The following MDM4 variants were observed in gnomAD, a reference collection of about 807,000 sequenced individuals.
MDM4 encodes protein Mdm4.
A neutral mutation model predicts 60.2 loss-of-function variants in MDM4; 2 were observed. The ratio of observed to expected loss-of-function variants is 0.03; its 90% CI spans 0.01 to 0.10. MDM4 has a LOEUF of 0.10. Among genes scored for constraint, MDM4 ranks in the 10% least tolerant of loss-of-function variants. The pLI is 1.00. For synonymous variants in MDM4, 202 were observed against 198.1 expected (o/e 1.02, Z -0.17); for missense variants, 447 against 577.5 (o/e 0.77, Z 2.32).
At chr1:204,518,143 G>C (rs144942473) in intron 1 of MDM4, among the ~76,000 whole-genome samples, 2 of 152,178 alleles carry the variant, frequency 1.3e-5, no homozygotes, top group Non-Finnish European at 2.9e-5. Flanking sequence ...GCGACAGCGC[G>C]AGAGCCTGTC....
chr1:204,556,910 CT>C lies in MDM4; in HGVS notation c.*7231del, dbSNP rs1412105913. ...GACCTCATAGCAACCTTGAATATGA[CT>C]TTCTTTAGTCTCTAGCTATGCACTA... On this transcript the variant is annotated 3_prime_UTR_variant, in exon 11 of 11. Coordinates refer to ENST00000367182, the MANE Select transcript of MDM4 (RefSeq NM_002393.5). 4.8e-6 allele frequency: 1 copy of C among 208,774 alleles called. No individual in the cohort carries two copies. Among genetic ancestry groups the C allele is most frequent in the Non-Finnish European group, 9.7e-6 (1 of 102,762 alleles). The allele number at this position is 208,774 out of a possible 1,614,324, so 12.9% of individuals were successfully genotyped here.
intron 1 of MDM4, among the ~76,000 whole-genome samples, chr1:204,521,750 C>G (rs1207136519): frequency 1.3e-5 from 2 of 152,174 alleles, no homozygotes; most frequent in Non-Finnish European, 2.9e-5. Context: ...ATGTTTCTAT[C>G]TACCATGTTG....
Position 204,546,859 on chromosome 1 carries a change from T to C in MDM4, c.885T>C (p.Asp295=), listed in dbSNP as rs1452716819. ...EDSKSLSDDT[D]VEVTSEDEWQ... ...CTAAGTCCTTAAGTGATGATACCGA[T>C]GTAGAGGTTACCTCTGAGGTATGAA... Residue 295 remains aspartate (D), a synonymous_variant, in exon 10 of 11, where the codon GAT becomes GAC. Coordinates refer to ENST00000367182, the MANE Select transcript of MDM4 (RefSeq NM_002393.5). The C allele has an allele frequency of 5.6e-6, 9 of 1,610,654 alleles. No homozygotes were observed. In the Admixed American group the frequency reaches 8.3e-5, roughly 15 times the overall value.
Position 204,546,794 on chromosome 1 carries a change from C to T in MDM4, c.823-3C>T. ...TACTAATGAGATGTTTTTGCCTTCA[C>T]AGGTGATTGAAGTGGGAAAAAATGA... On this transcript the variant is annotated splice_polypyrimidine_tract_variant and splice_region_variant and intron_variant, in intron 9 of 10. Coordinates refer to ENST00000367182, the MANE Select transcript of MDM4 (RefSeq NM_002393.5). The T allele has an allele frequency of 6.2e-7, 1 of 1,606,924 alleles. No homozygotes were observed. The highest frequency in any genetic ancestry group is 1.3e-5 in the African/African-American group (1 of 74,730).
At position 204,551,689 on chromosome 1, in the gene MDM4, T is replaced by G. The variant is rs986860830; in HGVS notation, c.*2007T>G. 2.2e-5 allele frequency: 5 copies of G among 231,058 alleles called. No homozygotes were observed. The highest frequency in any genetic ancestry group is 3.4e-5 in the Non-Finnish European group (4 of 116,864). 14.3% of individuals were successfully genotyped at this position (231,058 alleles called of 1,614,324 possible). A position where few individuals can be genotyped will look rare whatever the true frequency, so the allele number is the denominator to read the frequency against. ...GTTCTCAAGGGTATGCATGTGTCAT[T>G]TTGAAGACCAAGGCCCTAGAATTGT... On this transcript the variant is annotated 3_prime_UTR_variant, in exon 11 of 11. Transcript: ENST00000367182.
rs368612796 is a variant in MDM4 at position 204,537,513 on chromosome 1, G to A, written c.411+16G>A. 7.7e-5 allele frequency: 123 copies of A among 1,595,904 alleles called. No homozygotes were observed. Among genetic ancestry groups the A allele is most frequent in the Non-Finnish European group, 9.5e-5 (111 of 1,163,588 alleles). On this transcript the variant is annotated intron_variant, in intron 6 of 10. Coordinates refer to ENST00000367182, the MANE Select transcript of MDM4 (RefSeq NM_002393.5). Reference sequence around the variant, plus strand: ...CCAACTGAAGGTAAAATCACCACACGGTGACTTCTTTTGTTGTACAGAGTG... The same window carrying A: ...CCAACTGAAGGTAAAATCACCACACAGTGACTTCTTTTGTTGTACAGAGTG...
intron 1 of MDM4, among the ~76,000 whole-genome samples, chr1:204,517,953 G>C (rs1283662205): frequency 2.6e-5 from 4 of 151,700 alleles, no homozygotes; most frequent in Non-Finnish European, 4.4e-5. Flanking sequence ...CTTGAGTCTC[G>C]GAGTTCGACA....
At chr1:204,519,961 G>A (rs1039425511) in intron 1 of MDM4, among the ~76,000 whole-genome samples, 2 of 152,042 alleles carry the variant, frequency 1.3e-5, no homozygotes, top group Non-Finnish European at 2.9e-5. Context: ...AAATATAAAC[G>A]AAAAACTAAG....
In MDM4 at chr1:204,557,766, A is replaced by C. The variant is rs560978389; in HGVS notation, c.*8084A>C. 1.4e-4 allele frequency: 27 copies of C among 187,742 alleles called. No homozygotes were observed. The highest frequency in any genetic ancestry group is 2.7e-4 in the Non-Finnish European group (24 of 89,054). The allele number at this position is 187,742 out of a possible 1,614,324, so 11.6% of individuals were successfully genotyped here. ...AAAATGCACTGTCAATATATAGAAAACATGAAATTTTCCAAATATTTCCGA... is the reference window on the plus strand; with the variant it reads ...AAAATGCACTGTCAATATATAGAAACCATGAAATTTTCCAAATATTTCCGA... On this transcript the variant is annotated 3_prime_UTR_variant, in exon 11 of 11. Transcript: ENST00000367182.
intron 3 of MDM4, chr1:204,528,756 G>T: frequency 1.3e-6 from 1 of 779,410 alleles, no homozygotes; most frequent in Non-Finnish European, 2.2e-6. Context: ...AGAGGGACAG[G>T]AAAAGAAGAG....
rs533838713 is a variant in MDM4, at chr1:204,555,034, C to T, written c.*5352C>T. 4.6e-6 allele frequency: 1 copy of T among 218,892 alleles called. No homozygotes were observed. The highest frequency in any genetic ancestry group is 2.2e-5 in the African/African-American group (1 of 44,564). 13.6% of individuals were successfully genotyped at this position (218,892 alleles called of 1,614,324 possible). On this transcript the variant is annotated 3_prime_UTR_variant, in exon 11 of 11. Coordinates refer to ENST00000367182, the MANE Select transcript of MDM4 (RefSeq NM_002393.5). ...GAGGCATGTCTGCAGAAAGAGATAG[C>T]TAATATTTTTTGGTACTTTATCTGA...
intron 8 of MDM4, 133 bp from the exon 9 acceptor site, chr1:204,544,402 T>G: frequency 1.3e-6 from 1 of 763,806 alleles, no homozygotes; most frequent in Non-Finnish European, 2.1e-6. Context: ...TGAATACATG[T>G]CCACTGAATA....
chr1:204,529,196 A>T, intron 3 of MDM4: 1 of 768,246 alleles, frequency 1.3e-6, no homozygotes, highest in South Asian at 1.5e-5. Flanking sequence ...ATGTGGCCTG[A>T]TTAGGTCTTG....
chr1:204,532,736 T>C (rs377166536), intron 5 of MDM4: 34 of 1,605,156 alleles, frequency 2.1e-5, no homozygotes, highest in Non-Finnish European at 2.8e-5. Flanking sequence ...AACTTAACTT[T>C]CCTTTTGTTT....
At chr1:204,519,374 G>C (rs868467313) in intron 1 of MDM4, among the ~76,000 whole-genome samples, 1 of 152,176 alleles carries the variant, frequency 6.6e-6, no homozygotes, top group African/African-American at 2.4e-5. Flanking sequence ...GGGCGTGATG[G>C]TGCATGCCTG....
chr1:204,548,940 TAAA>T (rs1662937610), intron 10 of MDM4, among the ~76,000 whole-genome samples, 170 bp from the exon 11 acceptor site: 2 of 152,172 alleles, frequency 1.3e-5, no homozygotes, highest in African/African-American at 4.8e-5. Context: ...ACTATCAGTG[TAAA>T]CCTTCCAAAG....
chr1:204,547,112 G>A (rs1662743161), intron 10 of MDM4, among the ~76,000 whole-genome samples: 1 of 152,174 alleles, frequency 6.6e-6, no homozygotes, highest in South Asian at 2.1e-4. Flanking sequence ...TGAGATAAAT[G>A]CCTCTGTGTG....
intron 1 of MDM4, among the ~76,000 whole-genome samples, chr1:204,519,992 T>C (rs997982194): frequency 6.6e-6 from 1 of 151,768 alleles, no homozygotes; most frequent in Non-Finnish European, 1.5e-5. Context: ...GAACTACCAT[T>C]TTAGGCTGGG....
intron 3 of MDM4, among the ~76,000 whole-genome samples, chr1:204,527,754 A>G (rs1217207839): frequency 6.6e-6 from 1 of 152,048 alleles, no homozygotes; most frequent in Non-Finnish European, 1.5e-5. Flanking sequence ...AACAATTTGT[A>G]TTCTTTAAGT....
Sources: gnomAD v4.1 joint callset for allele counts (sites outside exome capture counted in the v4.1 genomes callset) on GRCh38, gnomAD v4.1.1 for gene constraint, MANE v1.5 for transcripts, NCBI Gene and HGNC (gene_info 2026-07-23, HGNC 2026-07-21) for gene names.